NBEA: variants seen among roughly 807,000 people sequenced by gnomAD.
NBEA encodes the protein neurobeachin, also known as lysosomal-trafficking regulator 2.
A neutral mutation model predicts 343.4 loss-of-function variants in NBEA; 44 were observed. That is an observed-to-expected ratio of 0.13 (90% CI 0.10 to 0.16). NBEA has a LOEUF of 0.16. Ranked by LOEUF, NBEA falls within the 10% of genes least tolerant of loss-of-function variation. The probability of loss-of-function intolerance (pLI) is 1.00; values close to 1 mark genes in which losing one functional copy is unlikely to be tolerated. For missense variants in NBEA, 2,555 were observed against 3,631.3 expected (o/e 0.70, Z 7.62); for synonymous variants, 1,175 against 1,238.7 (o/e 0.95, Z 1.08).
chr13:34,962,387 T>C (rs977799604), intron 1 of NBEA, among the ~76,000 whole-genome samples: 1 of 152,072 alleles, frequency 6.6e-6, no homozygotes, highest in East Asian at 1.9e-4. Flanking sequence ...AACAGATACA[T>C]TGAATTAATA....
chr13:35,113,988 A>G (rs1425411225), intron 13 of NBEA, among the ~76,000 whole-genome samples: 9 of 152,056 alleles, frequency 5.9e-5, no homozygotes, highest in Admixed American at 5.9e-4. Flanking sequence ...TTTTAATACT[A>G]TTTTACTTTC....
intron 34 of NBEA, among the ~76,000 whole-genome samples, chr13:35,243,897 G>A (rs2030755621): frequency 6.6e-6 from 1 of 151,706 alleles, no homozygotes; most frequent in Admixed American, 6.6e-5. Flanking sequence ...TAGATCAATT[G>A]GACTTAACAG....
At chr13:35,100,343 G>A (rs2152642669) in intron 11 of NBEA, among the ~76,000 whole-genome samples, 2 of 152,042 alleles carry the variant, frequency 1.3e-5, no homozygotes, top group South Asian at 4.1e-4. Context: ...ATCATTGGTA[G>A]CATTTCTTTA....
intron 41 of NBEA, among the ~76,000 whole-genome samples, chr13:35,526,454 T>G (rs2077979749): frequency 6.6e-6 from 1 of 152,194 alleles, no homozygotes; most frequent in African/African-American, 2.4e-5. Context: ...AAGACCAGCT[T>G]GGGCAACATG....
At chr13:35,484,735 G>A (rs1215745312) in intron 41 of NBEA, among the ~76,000 whole-genome samples, 2 of 152,050 alleles carry the variant, frequency 1.3e-5, no homozygotes, top group Non-Finnish European at 2.9e-5. Flanking sequence ...TGGAATGCTT[G>A]TCAGCTTTCC....
chr13:35,164,650 C>A, intron 24 of NBEA, 141 bp downstream of exon 24: 1 of 906,582 alleles, frequency 1.1e-6, no homozygotes, highest in Non-Finnish European at 1.7e-6. Flanking sequence ...TTTCTATTTC[C>A]ACCACTTTTG....
intron 48 of NBEA, among the ~76,000 whole-genome samples, chr13:35,607,813 C>G (rs2082341310): frequency 6.6e-6 from 1 of 152,062 alleles, no homozygotes. Flanking sequence ...TCACCACAAT[C>G]AATTTAAGAG....
rs147419992 is a variant in NBEA at position 35,519,699 on chromosome 13, A to T, written c.6586-30778A>T. On this transcript the variant is annotated intron_variant, in intron 41 of 58. Coordinates refer to ENST00000379939, the MANE Select transcript of NBEA (RefSeq NM_001385012.1). ...TTTATGGGGTACATGTGATATTTTG[A>T]TACATGTATACAATGTGTAATGATC... Among the ~76,000 whole-genome samples the T allele has an allele frequency of 1.5e-3, 234 of 152,288 alleles. 2 individuals carry two copies. Among genetic ancestry groups the T allele is most frequent in the African/African-American group, 4.8e-3 (198 of 41,570 alleles).
rs142184406 is a variant in NBEA at position 35,529,388 on chromosome 13, G to C, written c.6586-21089G>C. On this transcript the variant is annotated intron_variant, in intron 41 of 58. Coordinates refer to ENST00000379939, the MANE Select transcript of NBEA (RefSeq NM_001385012.1). Reference sequence around the variant, plus strand: ...ATGAATAGCACTTTAAGTACACTATGCACTTGTGTACACTTATACACATGG... The same window carrying C: ...ATGAATAGCACTTTAAGTACACTATCCACTTGTGTACACTTATACACATGG... Among the ~76,000 whole-genome samples the C allele has an allele frequency of 3.9e-5, 6 of 152,268 alleles. No homozygotes were observed. In the East Asian group the frequency reaches 9.6e-4, roughly 24 times the overall value.
chr13:35,581,524 C>T, intron 45 of NBEA, among the ~76,000 whole-genome samples: 1 of 151,284 alleles, frequency 6.6e-6, no homozygotes, highest in East Asian at 1.9e-4. Flanking sequence ...GGATATTAGC[C>T]CTTTGTCAGA....
chr13:34,982,880 G>A (rs9542872), intron 1 of NBEA, among the ~76,000 whole-genome samples: 146,974 of 152,266 alleles, frequency 0.97, 71,022 homozygotes, highest in Non-Finnish European at 0.99. Context: ...GGTCTTAAGA[G>A]TCTCAACTAT....
chr13:35,586,703 T>C (rs1054616087), intron 46 of NBEA, among the ~76,000 whole-genome samples: 4 of 152,174 alleles, frequency 2.6e-5, no homozygotes, highest in Non-Finnish European at 5.9e-5. Flanking sequence ...ATTTTGAGAA[T>C]ATTAGATTTA....
At chr13:35,272,738 C>G (rs921723841) in intron 34 of NBEA, among the ~76,000 whole-genome samples, 3 of 152,026 alleles carry the variant, frequency 2.0e-5, no homozygotes, top group Non-Finnish European at 4.4e-5. Flanking sequence ...TTTAAACCAA[C>G]AAAGATCAAA....
At chr13:35,435,050 C>T (rs970355152) in intron 39 of NBEA, among the ~76,000 whole-genome samples, 16 of 152,096 alleles carry the variant, frequency 1.1e-4, no homozygotes, top group African/African-American at 3.9e-4. Context: ...TTTGTTGTGA[C>T]GGAATTTCAC....
rs115852362 is a variant in NBEA at position 35,331,208 on chromosome 13, G to A, written c.5904-17900G>A. ...ACTTTTTAGTGACACCAGAAACTTC[G>A]TGACTTACTTTTGAGATTTTGGAGC... On this transcript the variant is annotated intron_variant, in intron 36 of 58. Coordinates refer to ENST00000379939, the MANE Select transcript of NBEA (RefSeq NM_001385012.1). Among the ~76,000 whole-genome samples, 558 of 152,048 alleles carry A rather than the reference G, an allele frequency of 3.7e-3. 2 individuals carry two copies. Among genetic ancestry groups the A allele is most frequent in the African/African-American group, 0.012 (486 of 41,510 alleles).
chr13:35,436,056 G>T (rs2045416984), intron 39 of NBEA, among the ~76,000 whole-genome samples: 1 of 151,018 alleles, frequency 6.6e-6, no homozygotes, highest in African/African-American at 2.4e-5. Flanking sequence ...TGGGAAGACT[G>T]GTTTCAAAAA....
At chr13:34,949,650 A>G (rs761579213) in intron 1 of NBEA, among the ~76,000 whole-genome samples, 42 of 152,266 alleles carry the variant, frequency 2.8e-4, no homozygotes, top group Non-Finnish European at 5.1e-4. Flanking sequence ...ATTAGTTATC[A>G]TGGTGTTTCT....
intron 41 of NBEA, among the ~76,000 whole-genome samples, chr13:35,496,795 G>T (rs925720899): frequency 1.3e-5 from 2 of 151,906 alleles, no homozygotes; most frequent in African/African-American, 2.4e-5. Flanking sequence ...TGGTGTGCAG[G>T]CACCTCTACC....
intron 49 of NBEA, 117 bp downstream of exon 49, chr13:35,628,365 T>G (rs1390266673): frequency 1.3e-6 from 1 of 772,252 alleles, no homozygotes; most frequent in Admixed American, 3.7e-5. Context: ...CAAAACAGAT[T>G]TCAGGTTCTT....
Sources: gnomAD v4.1 joint callset for allele counts (sites outside exome capture counted in the v4.1 genomes callset) on GRCh38, gnomAD v4.1.1 for gene constraint, MANE v1.5 for transcripts, NCBI Gene and HGNC (gene_info 2026-07-23, HGNC 2026-07-21) for gene names.